The following PDK1 variants were observed in gnomAD, a reference collection of about 807,000 sequenced individuals.
PDK1 encodes the protein [Pyruvate dehydrogenase (acetyl-transferring)] kinase isozyme 1, mitochondrial.
In PDK1, 39 loss-of-function variants were observed where a neutral mutation model predicts 54.2. The ratio of observed to expected loss-of-function variants is 0.72; its 90% CI spans 0.56 to 0.94. The LOEUF is 0.94. Ranked by LOEUF, PDK1 falls within the 40% of genes least tolerant of loss-of-function variation. PDK1 has a pLI of 0.00. For synonymous variants in PDK1, 221 were observed against 207.1 expected (o/e 1.07, Z -0.58); for missense variants, 552 against 566.0 (o/e 0.98, Z 0.25).
chr2:172,629,467 T>C, the PDK1 span, among the ~76,000 whole-genome samples: 1 of 151,996 alleles, frequency 6.6e-6, no homozygotes, highest in South Asian at 2.1e-4. Context: ...GACAGTGAGA[T>C]CTCAGAGAAG....
intron 9 of PDK1, among the ~76,000 whole-genome samples, chr2:172,590,888 C>T (rs149404021): frequency 0.016 from 2,464 of 152,156 alleles, 58 homozygotes; most frequent in African/African-American, 0.055. Flanking sequence ...AGTCCCCACC[C>T]GACCCAGAAG....
At chr2:172,564,159 A>T (rs943410687) in intron 3 of PDK1, 6 of 479,978 alleles carry the variant, frequency 1.3e-5, no homozygotes, top group Non-Finnish European at 2.5e-5. Flanking sequence ...CCTATGCAGA[A>T]TGTCTCTGGA....
chr2:172,656,744 T>C, the PDK1 span, among the ~76,000 whole-genome samples: 2 of 152,190 alleles, frequency 1.3e-5, no homozygotes, highest in Non-Finnish European at 2.9e-5. Context: ...GGCAAAATCC[T>C]GTCTTTACCA....
At chr2:172,619,384 C>G in the PDK1 span, among the ~76,000 whole-genome samples, 1 of 152,072 alleles carries the variant, frequency 6.6e-6, no homozygotes, top group Non-Finnish European at 1.5e-5. Context: ...CTCAGTGGAC[C>G]AGGGGTGGAG....
chr2:172,690,853 G>C, the PDK1 span, among the ~76,000 whole-genome samples: 1 of 148,664 alleles, frequency 6.7e-6, no homozygotes, highest in Admixed American at 7.0e-5. Flanking sequence ...GCCTGTTGGG[G>C]GGGTGGGGAG....
chr2:172,648,701 G>A, the PDK1 span, among the ~76,000 whole-genome samples: 5 of 152,180 alleles, frequency 3.3e-5, no homozygotes, highest in Non-Finnish European at 5.9e-5. Flanking sequence ...CGCCTGGCTC[G>A]GAGGGTCCCA....
chr2:172,665,219 G>A, the PDK1 span, among the ~76,000 whole-genome samples: 1 of 148,972 alleles, frequency 6.7e-6, no homozygotes, highest in Non-Finnish European at 1.5e-5. Flanking sequence ...TTCAATGATT[G>A]CCCCCTTTAA....
chr2:172,647,872 C>A, the PDK1 span, among the ~76,000 whole-genome samples: 1 of 152,174 alleles, frequency 6.6e-6, no homozygotes, highest in Non-Finnish European at 1.5e-5. Context: ...GCAGCAGACA[C>A]TACCTTTACC....
the PDK1 span, among the ~76,000 whole-genome samples, chr2:172,685,023 C>A: frequency 1.3e-5 from 2 of 152,026 alleles, no homozygotes; most frequent in African/African-American, 4.8e-5. Context: ...TTTGGAAGTT[C>A]CTCCCTCACT....
downstream of PDK1, among the ~76,000 whole-genome samples, chr2:172,612,957 G>C (rs969575875): frequency 1.3e-5 from 2 of 152,174 alleles, no homozygotes; most frequent in African/African-American, 4.8e-5. Context: ...ACCGCACCCG[G>C]CCCAGCTAGT....
the PDK1 span, among the ~76,000 whole-genome samples, chr2:172,645,096 C>A: frequency 2.0e-5 from 3 of 151,998 alleles, no homozygotes; most frequent in African/African-American, 7.3e-5. Context: ...AATTTTTAAA[C>A]ACTGGGTATC....
chr2:172,716,472 G>A, the PDK1 span, among the ~76,000 whole-genome samples: 12 of 151,964 alleles, frequency 7.9e-5, no homozygotes, highest in African/African-American at 1.9e-4. Flanking sequence ...TTACAGGCAC[G>A]TGCCACCACA....
the PDK1 span, among the ~76,000 whole-genome samples, chr2:172,629,294 G>A: frequency 6.6e-6 from 1 of 152,202 alleles, no homozygotes; most frequent in African/African-American, 2.4e-5. Flanking sequence ...CTGCCCGAAT[G>A]TTGCCTTTTC....
chr2:172,679,369 C>G, the PDK1 span, among the ~76,000 whole-genome samples: 1 of 151,980 alleles, frequency 6.6e-6, no homozygotes, highest in African/African-American at 2.4e-5. Context: ...ATCACTGAAG[C>G]CCAGGAGTTT....
intron 9 of PDK1, among the ~76,000 whole-genome samples, chr2:172,591,753 T>C (rs769009952): frequency 5.3e-5 from 8 of 152,262 alleles, no homozygotes; most frequent in Non-Finnish European, 8.8e-5. Flanking sequence ...ACTTTACTTT[T>C]GTTGAAAACC....
chr2:172,570,637 A>G (rs960393568), intron 7 of PDK1, 89 bp from the exon 8 acceptor site: 8 of 626,612 alleles, frequency 1.3e-5, no homozygotes, highest in Admixed American at 6.6e-5. Context: ...ATCAAATTTT[A>G]AAACTTCAAA....
chr2:172,654,100 A>G, the PDK1 span, among the ~76,000 whole-genome samples: 5 of 152,222 alleles, frequency 3.3e-5, no homozygotes, highest in East Asian at 9.6e-4. Context: ...AATGGCAATC[A>G]TTAAAAAGTC....
upstream of PDK1, chr2:172,555,993 C>T (rs1355750341): frequency 6.4e-6 from 3 of 468,160 alleles, no homozygotes; most frequent in African/African-American, 2.0e-5. Context: ...GCGTCCCGCC[C>T]AGCGGCGCAG....
intron 7 of PDK1, among the ~76,000 whole-genome samples, chr2:172,569,177 A>T (rs1452881857): frequency 6.6e-6 from 1 of 152,228 alleles, no homozygotes; most frequent in Non-Finnish European, 1.5e-5. Flanking sequence ...TGTCCAGTAC[A>T]GTGGCAACGT....
Sources: gnomAD v4.1 joint callset for allele counts (sites outside exome capture counted in the v4.1 genomes callset) on GRCh38, gnomAD v4.1.1 for gene constraint, MANE v1.5 for transcripts, NCBI Gene and HGNC (gene_info 2026-07-23, HGNC 2026-07-21) for gene names.